Variants in SMOC1 observed in about 807,000 individuals in gnomAD.
The protein encoded by SMOC1 is SPARC related modular calcium binding 1.
In SMOC1, 22 loss-of-function variants were observed where a neutral mutation model predicts 56.3. The ratio of observed to expected loss-of-function variants is 0.39; its 90% CI spans 0.28 to 0.56. SMOC1 has a LOEUF of 0.56. Among genes scored for constraint, SMOC1 ranks in the 20% least tolerant of loss-of-function variants. SMOC1 has a pLI of 0.61. For synonymous variants in SMOC1, 193 were observed against 215.0 expected (o/e 0.90, Z 0.89); for missense variants, 509 against 565.4 (o/e 0.90, Z 1.01).
intron 1 of SMOC1, among the ~76,000 whole-genome samples, chr14:69,914,101 A>G (rs2139352787): frequency 6.6e-6 from 1 of 152,350 alleles, no homozygotes; most frequent in African/African-American, 2.4e-5. Context: ...TTTGATCCCC[A>G]GCAAAGACCC....
chr14:69,921,499 T>C (rs1884841570), intron 1 of SMOC1, among the ~76,000 whole-genome samples: 2 of 152,156 alleles, frequency 1.3e-5, no homozygotes, highest in African/African-American at 4.8e-5. Context: ...AACAAACAGT[T>C]GTTGTACATC....
At chr14:69,889,591 G>C (rs527691091) in intron 1 of SMOC1, among the ~76,000 whole-genome samples, 4 of 152,146 alleles carry the variant, frequency 2.6e-5, no homozygotes, top group Non-Finnish European at 5.9e-5. Flanking sequence ...TCTTTTCCAG[G>C]GTGGTGGGGA....
intron 1 of SMOC1, among the ~76,000 whole-genome samples, chr14:69,919,565 GAAATGGAGGTATT>G (rs2139363049): frequency 6.6e-6 from 1 of 152,362 alleles, no homozygotes; most frequent in South Asian, 2.1e-4. Context: ...ACCTGCAGAA[GAAATGGAGGTATT>G]AAACTTGACA....
At chr14:70,013,626 A>G (rs746120176) in intron 10 of SMOC1, 135 bp downstream of exon 10, 296 of 775,206 alleles carry the variant, frequency 3.8e-4, no homozygotes, top group Non-Finnish European at 6.0e-4. Flanking sequence ...TCCTGAAACC[A>G]TGTACCCATA....
chr14:70,025,581 T>G (rs1008381382), intron 11 of SMOC1, among the ~76,000 whole-genome samples: 1 of 152,208 alleles, frequency 6.6e-6, no homozygotes, highest in African/African-American at 2.4e-5. Flanking sequence ...TTTCACTACA[T>G]GCGGCTTGAG....
chr14:69,977,716 G>A (rs1264554074), intron 4 of SMOC1, among the ~76,000 whole-genome samples: 1 of 152,052 alleles, frequency 6.6e-6, no homozygotes, highest in African/African-American at 2.4e-5. Flanking sequence ...AACAGTGCTG[G>A]GTTATCAGTG....
At chr14:69,995,817 T>C (rs777072737) in intron 7 of SMOC1, among the ~76,000 whole-genome samples, 40 of 152,234 alleles carry the variant, frequency 2.6e-4, no homozygotes, top group Non-Finnish European at 4.7e-4. Flanking sequence ...GGTGCTTATT[T>C]TGAAAATTCT....
chr14:69,927,831 A>C (rs983722764), intron 1 of SMOC1, among the ~76,000 whole-genome samples: 2 of 152,220 alleles, frequency 1.3e-5, no homozygotes, highest in African/African-American at 2.4e-5. Flanking sequence ...TGAACCAAGT[A>C]CTTGGCAGGA....
At chr14:69,883,021 A>G (rs914894493) in intron 1 of SMOC1, among the ~76,000 whole-genome samples, 2 of 152,194 alleles carry the variant, frequency 1.3e-5, no homozygotes, top group African/African-American at 4.8e-5. Context: ...TTTGACAGAT[A>G]GCATTGTATG....
chr14:69,963,240 G>T (rs1473468026), intron 3 of SMOC1, among the ~76,000 whole-genome samples: 3 of 152,116 alleles, frequency 2.0e-5, no homozygotes, highest in Non-Finnish European at 4.4e-5. Context: ...CTAGTAGGGG[G>T]AATGCACAGG....
chr14:69,992,330 C>A, intron 5 of SMOC1, 87 bp from the exon 6 acceptor site: 1 of 1,364,200 alleles, frequency 7.3e-7, no homozygotes. Context: ...TTGTACAAAC[C>A]CCAACCATTC....
At chr14:69,920,666 T>TG (rs200002634) in intron 1 of SMOC1, among the ~76,000 whole-genome samples, 4 of 151,944 alleles carry the variant, frequency 2.6e-5, no homozygotes, top group Non-Finnish European at 5.9e-5. Flanking sequence ...TACAGTCTGG[T>TG]GGGGGGGAGG....
intron 1 of SMOC1, among the ~76,000 whole-genome samples, chr14:69,924,177 A>C (rs1170938928): frequency 6.6e-6 from 1 of 152,150 alleles, no homozygotes; most frequent in Non-Finnish European, 1.5e-5. Context: ...CCATGCACTC[A>C]GGCCCCAGCC....
intron 1 of SMOC1, among the ~76,000 whole-genome samples, chr14:69,945,895 G>A (rs1304406512): frequency 6.6e-6 from 1 of 152,004 alleles, no homozygotes; most frequent in Non-Finnish European, 1.5e-5. Context: ...TCTACACCCA[G>A]GAAAAATATA....
chr14:69,955,821 C>T (rs1257290527), intron 3 of SMOC1, among the ~76,000 whole-genome samples: 1 of 152,186 alleles, frequency 6.6e-6, no homozygotes, highest in Non-Finnish European at 1.5e-5. Context: ...TTTAAAACTG[C>T]ATTGCAAAGA....
chr14:69,905,217 C>T (rs1483148109), intron 1 of SMOC1, among the ~76,000 whole-genome samples: 2 of 152,104 alleles, frequency 1.3e-5, no homozygotes, highest in African/African-American at 4.8e-5. Flanking sequence ...AGAGTCAAAG[C>T]AGTCCCGCCT....
At chr14:69,970,220 G>T (rs950534112) in intron 3 of SMOC1, among the ~76,000 whole-genome samples, 1 of 152,154 alleles carries the variant, frequency 6.6e-6, no homozygotes, top group African/African-American at 2.4e-5. Context: ...TGACCCCAAA[G>T]AGTTCTATTT....
intron 7 of SMOC1, among the ~76,000 whole-genome samples, chr14:70,000,242 T>C (rs764033462): frequency 5.9e-5 from 9 of 152,214 alleles, no homozygotes; most frequent in Non-Finnish European, 1.0e-4. Context: ...GTTGTGATAC[T>C]TTATTTTGAT....
At chr14:70,006,178 T>A (rs1477676564) in intron 7 of SMOC1, among the ~76,000 whole-genome samples, 1 of 152,214 alleles carries the variant, frequency 6.6e-6, no homozygotes, top group African/African-American at 2.4e-5. Flanking sequence ...CGCCACTTCC[T>A]AGTTCTGTGA....
Sources: allele counts gnomAD v4.1 joint callset (sites outside exome capture counted in the v4.1 genomes callset), GRCh38; gene constraint gnomAD v4.1.1; transcripts MANE v1.5; gene names NCBI Gene and HGNC (gene_info 2026-07-23, HGNC 2026-07-21).